Variants in TPSD1 observed in about 807,000 individuals in gnomAD.
TPSD1 encodes tryptase delta.
Under a neutral mutation model 25.4 loss-of-function variants are expected in TPSD1, and 30 were observed. The ratio of observed to expected loss-of-function variants is 1.18; its 90% CI spans 0.88 to 1.60. TPSD1 has a LOEUF of 1.60. TPSD1 is among the 40% of genes most tolerant of loss of function. The probability of loss-of-function intolerance (pLI) is 0.00; values close to 1 mark genes in which losing one functional copy is unlikely to be tolerated. For synonymous variants in TPSD1, 176 were observed against 149.4 expected (o/e 1.18, Z -1.30); for missense variants, 420 against 324.2 (o/e 1.30, Z -2.27).
At chr16:1,257,650 C>A (rs1424029011) in intron 3 of TPSD1, among the ~76,000 whole-genome samples, 1 of 152,226 alleles carries the variant, frequency 6.6e-6, no homozygotes, top group Non-Finnish European at 1.5e-5. Flanking sequence ...GGGGCCTGAG[C>A]CACTGTCCCG....
rs201494832 is a variant in TPSD1, at chr16:1,256,309, G to A, written c.29G>A (p.Ser10Asn). MLLLAPQML[S>N]LLLLALPVLA... ...CTCCTCCTTGCTCCCCAGATGCTGAGCCTGCTGCTGCTGGCGCTGCCCGTC... is the reference window on the plus strand; with the variant it reads ...CTCCTCCTTGCTCCCCAGATGCTGAACCTGCTGCTGCTGGCGCTGCCCGTC... Residue 10 changes from serine (S) to asparagine (N), a missense_variant, in exon 1 of 5, where the codon AGC (serine) becomes AAC (asparagine). Physicochemically the swap from Ser to Asn is conservative, Grantham distance 46 (BLOSUM62 1). Transcript: ENST00000211076. The A allele has an allele frequency of 5.3e-5, 86 of 1,613,266 alleles. No homozygotes were observed. The highest frequency in any genetic ancestry group is 6.7e-5 in the African/African-American group (5 of 75,044).
intron 1 of TPSD1, 52 bp from the exon 2 acceptor site, chr16:1,256,464 C>T: frequency 1.1e-5 from 18 of 1,575,434 alleles, no homozygotes; most frequent in Non-Finnish European, 1.6e-5. Flanking sequence ...CAGGGAAGGG[C>T]TGGTCCCAGG....
At position 1,256,605 on chromosome 16, in the gene TPSD1, C is replaced by T. The variant is rs748932201; in HGVS notation, c.172C>T (p.Arg58Cys). 33 of 1,612,784 alleles carry T rather than the reference C, an allele frequency of 2.0e-5. No homozygotes were observed. The South Asian group carries it at 2.6e-4, about 13-fold the overall frequency. The change falls in exon 2 of 5, where the codon CGC (arginine) becomes TGC (cysteine). Residue 58 changes from arginine (R) to cysteine (C), a missense_variant. Physicochemically the swap from Arg to Cys is radical, Grantham distance 180. Transcript: ENST00000211076. ...GCCCTGGCAGGTGAGCCTGAGAGTC[C>T]GCGGCCCATACTGGATGCACTTCTG... The part of the protein sequence containing the change: ...KWPWQVSLRV[R>C]GPYWMHFCGG...
At chr16:1,257,333 A>G in intron 3 of TPSD1, 1 of 547,634 alleles carries the variant, frequency 1.8e-6, no homozygotes, top group Non-Finnish European at 3.2e-6. Flanking sequence ...GGTGCATCAA[A>G]AGTTTGTACG....
Position 1,256,098 on chromosome 16 carries a change from C to G in TPSD1, c.-183C>G. The G allele has an allele frequency of 9.6e-7, 1 of 1,046,976 alleles. No individual in the cohort carries two copies. The highest frequency in any genetic ancestry group is 2.6e-5 in the East Asian group (1 of 38,884). The allele number at this position is 1,046,976 out of a possible 1,614,324, so 64.9% of individuals were successfully genotyped here. ...GGAACAGGGAGTGGCCAGGGTAAGT[C>G]CCTACTCTCAGAGACCCTGACATCA... On this transcript the variant is annotated 5_prime_UTR_variant, in exon 1 of 5. Coordinates refer to ENST00000211076, the MANE Select transcript of TPSD1 (RefSeq NM_012217.3).
chr16:1,257,981 C>T lies in TPSD1; in HGVS notation c.521-78C>T, dbSNP rs1280038285. 8 of 1,465,936 alleles carry T rather than the reference C, an allele frequency of 5.5e-6. No individual in the cohort carries two copies. In the African/African-American group the frequency reaches 8.4e-5, roughly 15 times the overall value. 90.8% of individuals were successfully genotyped at this position (1,465,936 alleles called of 1,614,324 possible). On this transcript the variant is annotated intron_variant, in intron 3 of 4. Coordinates refer to ENST00000211076, the MANE Select transcript of TPSD1 (RefSeq NM_012217.3). ...GGGCCCATGGTGCCATCTCCCCTGCCCGTGACTCTGCCACCAAGTCCACGA... is the reference window on the plus strand; with the variant it reads ...GGGCCCATGGTGCCATCTCCCCTGCTCGTGACTCTGCCACCAAGTCCACGA...
Position 1,258,588 on chromosome 16 carries a change from C to A in TPSD1, c.*212C>A. 3 of 1,451,770 alleles carry A rather than the reference C, an allele frequency of 2.1e-6. No homozygotes were observed. The highest frequency in any genetic ancestry group is 9.4e-7 in the Non-Finnish European group (1 of 1,064,058). 89.9% of individuals were successfully genotyped at this position (1,451,770 alleles called of 1,614,324 possible). A position where few individuals can be genotyped will look rare whatever the true frequency, so the allele number is the denominator to read the frequency against. On this transcript the variant is annotated 3_prime_UTR_variant, in exon 5 of 5. Coordinates refer to ENST00000211076, the MANE Select transcript of TPSD1 (RefSeq NM_012217.3). ...TCCTACCCAGGTGGTGACTGCCCCCCACACCTTCCCCCATCCTGAGTCCCC... is the reference window on the plus strand; with the variant it reads ...TCCTACCCAGGTGGTGACTGCCCCCAACACCTTCCCCCATCCTGAGTCCCC...
intron 4 of TPSD1, 35 bp from the exon 5 acceptor site, chr16:1,258,297 C>A (rs116578041): frequency 6.2e-7 from 1 of 1,612,584 alleles, no homozygotes; most frequent in Non-Finnish European, 8.5e-7. Flanking sequence ...ACCCCCGAAG[C>A]CTGGCCAGCG....
chr16:1,258,117 C>G lies in TPSD1; in HGVS notation c.579C>G (p.His193Gln). The stretch of plus-strand genomic sequence containing the variant: ...TGGAAGTCCCCGTAGTGGAAAACCA[C>G]CTTTGCAACGCGGAATATCACACCG... ...KEVEVPVVEN[H>Q]LCNAEYHTGL... The change falls in exon 4 of 5, where the codon CAC (histidine) becomes CAG (glutamine). Residue 193 changes from histidine (H) to glutamine (Q), a missense_variant. Coordinates refer to ENST00000211076, the MANE Select transcript of TPSD1 (RefSeq NM_012217.3). 6.2e-7 allele frequency: 1 copy of G among 1,608,020 alleles called. No individual in the cohort carries two copies. The highest frequency in any genetic ancestry group is 8.5e-7 in the Non-Finnish European group (1 of 1,177,642).
In TPSD1 at chr16:1,256,540, C is replaced by G; in HGVS notation, c.107C>G (p.Thr36Arg). ...GCCCCAGGCCAGGCCCTGCAGCAAA[C>G]GGGCATTGTTGGGGGGCAGGAGGCC... is the stretch of plus-strand genomic sequence containing the variant. ...APAPGQALQQ[T>R]GIVGGQEAPR... The change falls in exon 2 of 5, where the codon ACG becomes AGG. Residue 36 changes from threonine (T) to arginine (R), a missense_variant. By Grantham distance (71) the Thr-to-Arg change is moderately conservative (BLOSUM62 -1). Coordinates refer to ENST00000211076, the MANE Select transcript of TPSD1 (RefSeq NM_012217.3). The G allele has an allele frequency of 6.2e-7, 1 of 1,604,036 alleles. No individual in the cohort carries two copies. The highest frequency in any genetic ancestry group is 1.1e-5 in the South Asian group (1 of 90,740).
chr16:1,257,409 C>G (rs1378609634), intron 3 of TPSD1: 4 of 383,258 alleles, frequency 1.0e-5, no homozygotes, highest in Non-Finnish European at 1.9e-5. Flanking sequence ...GAGACCGGTG[C>G]TGGGATGAGA....
chr16:1,256,644 A>G lies in TPSD1; in HGVS notation c.211A>G (p.Ile71Val). 1 of 1,612,796 alleles carries G rather than the reference A, an allele frequency of 6.2e-7. No individual in the cohort carries two copies. ...YWMHFCGGSL[I>V]HPQWVLTAAH... ...GATGCACTTCTGCGGGGGCTCCCTC[A>G]TCCACCCCCAGTGGGTGCTAACCGC... Residue 71 changes from isoleucine to valine, a missense_variant, in exon 2 of 5, where the codon ATC becomes GTC. Physicochemically the swap from Ile to Val is conservative, Grantham distance 29. Coordinates refer to ENST00000211076, the MANE Select transcript of TPSD1 (RefSeq NM_012217.3).
At position 1,256,952 on chromosome 16, in the gene TPSD1, C is replaced by A. The variant is rs1232732945; in HGVS notation, c.410C>A (p.Pro137His). 6.2e-7 allele frequency: 1 copy of A among 1,613,876 alleles called. No individual in the cohort carries two copies. Among genetic ancestry groups the A allele is most frequent in the Non-Finnish European group, 8.5e-7 (1 of 1,179,996 alleles). Reference sequence around the variant, plus strand: ...ATCGCCCTGCTGGAGCTGGAGGAGCCCGTGAACATCTCCAGCCACATCCAC... The same window carrying A: ...ATCGCCCTGCTGGAGCTGGAGGAGCACGTGAACATCTCCAGCCACATCCAC... ...ADIALLELEE[P>H]VNISSHIHTV... The change falls in exon 3 of 5, where the codon CCC (proline) becomes CAC (histidine). Residue 137 changes from proline (P) to histidine (H), a missense_variant. Physicochemically the swap from Pro to His is moderately conservative, Grantham distance 77. Coordinates refer to ENST00000211076, the MANE Select transcript of TPSD1 (RefSeq NM_012217.3).
rs748519178 is a variant in TPSD1 at position 1,257,037 on chromosome 16, T to C, written c.495T>C (p.Thr165=). The C allele has an allele frequency of 1.9e-6, 3 of 1,612,068 alleles. No homozygotes were observed. Among genetic ancestry groups the C allele is most frequent in the South Asian group, 1.1e-5 (1 of 90,734 alleles). ...TFPPGMPCWV[T]GWGDVDNNVH... ...CCCCGGGGATGCCGTGCTGGGTCAC[T>C]GGCTGGGGCGACGTGGACAATAATG... The change falls in exon 3 of 5, where the codon ACT becomes ACC. Residue 165 remains threonine, a synonymous_variant. Transcript: ENST00000211076.
Position 1,257,074 on chromosome 16 carries a change from G to A in TPSD1, c.520+12G>A, listed in dbSNP as rs1370600416. 2 of 1,592,834 alleles carry A rather than the reference G, an allele frequency of 1.3e-6. No individual in the cohort carries two copies. Among genetic ancestry groups the A allele is most frequent in the Non-Finnish European group, 1.7e-6 (2 of 1,169,270 alleles). On this transcript the variant is annotated intron_variant, in intron 3 of 4. Coordinates refer to ENST00000211076, the MANE Select transcript of TPSD1 (RefSeq NM_012217.3). ...CGTGGACAATAATGGTGGGTGTTGG[G>A]GACAGCGGGAGGCCGGGCCAGGTGG...
intron 3 of TPSD1, chr16:1,257,285 T>A (rs1030037417): frequency 3.2e-6 from 2 of 622,376 alleles, no homozygotes; most frequent in Non-Finnish European, 2.8e-6. Flanking sequence ...GGAGAGTCCC[T>A]TAGCACCTCC....
chr16:1,256,532 G>C lies in TPSD1; in HGVS notation c.99G>C (p.Leu33=). 1 of 1,608,334 alleles carries C rather than the reference G, an allele frequency of 6.2e-7. No homozygotes were observed. Among genetic ancestry groups the C allele is most frequent in the Non-Finnish European group, 8.5e-7 (1 of 1,178,758 alleles). The part of the protein sequence containing the change: ...AYVAPAPGQA[L]QQTGIVGGQE... ...CTGCCCCAGCCCCAGGCCAGGCCCT[G>C]CAGCAAACGGGCATTGTTGGGGGGC... The change falls in exon 2 of 5, where the codon CTG becomes CTC. Residue 33 remains leucine (L), a synonymous_variant. Coordinates refer to ENST00000211076, the MANE Select transcript of TPSD1 (RefSeq NM_012217.3).
chr16:1,256,264 G>T lies in TPSD1; in HGVS notation c.-17G>T. ...GTAGCCCCCAGCCCTGCCCTGTGAG[G>T]CCCGGCCAGGCCCACGATGCTCCTC... On this transcript the variant is annotated 5_prime_UTR_variant, in exon 1 of 5. Transcript: ENST00000211076. The T allele has an allele frequency of 6.2e-7, 1 of 1,613,288 alleles. No individual in the cohort carries two copies. The highest frequency in any genetic ancestry group is 8.5e-7 in the Non-Finnish European group (1 of 1,179,712).
In TPSD1 at chr16:1,258,396, G is replaced by A. The variant is rs560642734; in HGVS notation, c.*20G>A. 1.2e-6 allele frequency: 2 copies of A among 1,613,772 alleles called. No individual in the cohort carries two copies. Among genetic ancestry groups the A allele is most frequent in the Non-Finnish European group, 8.5e-7 (1 of 1,179,918 alleles). On this transcript the variant is annotated 3_prime_UTR_variant, in exon 5 of 5. Coordinates refer to ENST00000211076, the MANE Select transcript of TPSD1 (RefSeq NM_012217.3). ...ACCTAACTGCAGGCGGGCGTGGTCA[G>A]CTGGGAGGAGAGCTGTGCCCAGCCC...
Sources: gnomAD v4.1 joint callset for allele counts (sites outside exome capture counted in the v4.1 genomes callset) on GRCh38, gnomAD v4.1.1 for gene constraint, MANE v1.5 for transcripts, NCBI Gene and HGNC (gene_info 2026-07-23, HGNC 2026-07-21) for gene names.